Variants in CENPO observed in about 807,000 individuals in gnomAD.
The protein encoded by CENPO is centromeric protein O.
In CENPO, 30 loss-of-function variants were observed where a neutral mutation model predicts 36.1. That is an observed-to-expected ratio of 0.83 (90% confidence interval 0.62 to 1.13). The LOEUF is 1.13. CENPO is among the 50% of genes most tolerant of loss of function. The pLI, the probability that CENPO is intolerant of heterozygous loss-of-function variation, is 0.00. For missense variants in CENPO, 349 were observed against 357.8 expected, an observed-to-expected ratio of 0.98 and a Z score of 0.20; for synonymous variants, 171 against 142.3, an observed-to-expected ratio of 1.20 and a Z score of -1.44.
At chr2:24,817,480 G>A (rs1667001178) in intron 6 of CENPO, among the ~76,000 whole-genome samples, 190 bp from the exon 7 acceptor site, 1 of 30,764 alleles carries the variant, frequency 3.3e-5, no homozygotes, top group Non-Finnish European at 8.7e-5. Flanking sequence ...AAAAAAAGCT[G>A]TATGGGTCCA....
chr2:24,814,620 TCA>T (rs10618594), intron 4 of CENPO, 127 bp downstream of exon 4: 318,193 of 537,638 alleles, frequency 0.59, 72,367 homozygotes, highest in Admixed American at 0.63. Flanking sequence ...CCCTCATCAC[TCA>T]CACACACACA....
intron 2 of CENPO, among the ~76,000 whole-genome samples, chr2:24,797,391 C>T (rs1665954211): frequency 6.6e-6 from 1 of 152,124 alleles, no homozygotes; most frequent in Admixed American, 6.5e-5. Flanking sequence ...GGATATTCTG[C>T]TTTCTCAAGA....
At chr2:24,796,531 G>A (rs937266294) in intron 2 of CENPO, among the ~76,000 whole-genome samples, 5 of 152,100 alleles carry the variant, frequency 3.3e-5, no homozygotes, top group Non-Finnish European at 7.4e-5. Flanking sequence ...AAACTATAGT[G>A]GCCGGGTGCG....
chr2:24,812,902 G>GTTTTTTTTTTTT (rs35639594), intron 3 of CENPO, among the ~76,000 whole-genome samples: 1 of 105,670 alleles, frequency 9.5e-6, no homozygotes, highest in Non-Finnish European at 1.9e-5. Flanking sequence ...TATGCCTGTA[G>GTTTTTTTTTTTT]TTTTTTTTTT....
Position 24,821,781 on chromosome 2 carries a change from C to G in CENPO, c.*2463C>G, listed in dbSNP as rs1008557213. 23 of 1,258,870 alleles carry G rather than the reference C, an allele frequency of 1.8e-5. No homozygotes were observed. Among genetic ancestry groups the G allele is most frequent in the Non-Finnish European group, 2.2e-5 (20 of 918,948 alleles). 78.0% of individuals were successfully genotyped at this position (1,258,870 alleles called of 1,614,324 possible). On this transcript the variant is annotated 3_prime_UTR_variant, in exon 8 of 8. Coordinates refer to ENST00000380834, the MANE Select transcript of CENPO (RefSeq NM_001322101.2). ...CTTACTTTTCCTCCCACAAAGGAGT[C>G]GCAGCCACGCTAGCTCTGACTTGCC...
intron 5 of CENPO, 175 bp downstream of exon 5, chr2:24,815,931 A>G: frequency 1.6e-6 from 1 of 644,134 alleles, no homozygotes; most frequent in Non-Finnish European, 2.6e-6. Context: ...TTCTTTTGAA[A>G]CTCTGGATGG....
Position 24,817,750 on chromosome 2 carries a change from G to GTGTT in CENPO, c.850_853dup (p.Ala285ValfsTer32). 1 of 1,614,222 alleles carries GTGTT rather than the reference G, an allele frequency of 6.2e-7. No individual in the cohort carries two copies. Among genetic ancestry groups the GTGTT allele is most frequent in the Non-Finnish European group, 8.5e-7 (1 of 1,180,036 alleles). ...GTTCTGTACGAAGCCCTTGCATCAAGTGTTTGCCTCATTTACAAGAAAAGG... is the reference window on the plus strand; with the variant it reads ...GTTCTGTACGAAGCCCTTGCATCAAGTGTTTGTTTGCCTCATTTACAAGAAAAGG... On this transcript the variant is annotated frameshift_variant, in exon 7 of 8. Transcript: ENST00000380834. LOFTEE classifies it high-confidence loss of function.
Position 24,821,229 on chromosome 2 carries a change from A to C in CENPO, c.*1911A>C, listed in dbSNP as rs1667650708. ...AGCCATGTCCTCAGCAGGCACAGCAACCCCTCTGGAAATGGATCACAAACT... is the reference window on the plus strand; with the variant it reads ...AGCCATGTCCTCAGCAGGCACAGCACCCCCTCTGGAAATGGATCACAAACT... On this transcript the variant is annotated 3_prime_UTR_variant, in exon 8 of 8. Coordinates refer to ENST00000380834, the MANE Select transcript of CENPO (RefSeq NM_001322101.2). 2 of 454,318 alleles carry C rather than the reference A, an allele frequency of 4.4e-6. No homozygotes were observed. The highest frequency in any genetic ancestry group is 6.0e-5 in the South Asian group (2 of 33,416). 28.1% of individuals were successfully genotyped at this position (454,318 alleles called of 1,614,324 possible). A position where few individuals can be genotyped will look rare whatever the true frequency, so the allele number is the denominator to read the frequency against.
In CENPO at chr2:24,793,884, T is replaced by G. The variant is rs760386451; in HGVS notation, c.-36T>G. The G allele has an allele frequency of 5.0e-6, 8 of 1,614,020 alleles. No homozygotes were observed. Among genetic ancestry groups the G allele is most frequent in the Non-Finnish European group, 6.8e-6 (8 of 1,180,000 alleles). On this transcript the variant is annotated 5_prime_UTR_variant, in exon 2 of 8. The change abolishes the stop of an existing upstream ORF in the 5' untranslated region. Coordinates refer to ENST00000380834, the MANE Select transcript of CENPO (RefSeq NM_001322101.2). ...ATTGGAGTCCCTATCACCGGTTGCC[T>G]AGACAACTTCATGGGAAGGCCCTTG...
chr2:24,809,185 C>T (rs6720845), intron 3 of CENPO, among the ~76,000 whole-genome samples: 6,752 of 152,238 alleles, frequency 0.044, 206 homozygotes, highest in African/African-American at 0.078. Context: ...GATGATGTCT[C>T]ATTTTTTATT....
At position 24,821,947 on chromosome 2, in the gene CENPO, C is replaced by T; in HGVS notation, c.*2629C>T. The stretch of plus-strand genomic sequence containing the variant: ...TGGTCCTTAGGTTTTGTCAGGTTGT[C>T]CTTGTTTGGATCCCTCAACTAGGTG... On this transcript the variant is annotated 3_prime_UTR_variant, in exon 8 of 8. Coordinates refer to ENST00000380834, the MANE Select transcript of CENPO (RefSeq NM_001322101.2). 3.1e-6 allele frequency: 1 copy of T among 321,454 alleles called. No homozygotes were observed. The highest frequency in any genetic ancestry group is 5.8e-6 in the Non-Finnish European group (1 of 172,412). 19.9% of individuals were successfully genotyped at this position (321,454 alleles called of 1,614,324 possible).
chr2:24,798,081 T>C (rs1030145227), intron 2 of CENPO, among the ~76,000 whole-genome samples: 2 of 152,172 alleles, frequency 1.3e-5, no homozygotes, highest in Admixed American at 6.5e-5. Context: ...GTAAGTGTAA[T>C]GCAAATACTC....
chr2:24,798,942 TAAG>T (rs1244976374), intron 2 of CENPO, among the ~76,000 whole-genome samples: 1 of 150,954 alleles, frequency 6.6e-6, no homozygotes, highest in Non-Finnish European at 1.5e-5. Flanking sequence ...TGGGTGTACT[TAAG>T]AAGCTCGATT....
intron 4 of CENPO, among the ~76,000 whole-genome samples, chr2:24,815,124 G>C (rs1403107117): frequency 6.6e-6 from 1 of 151,810 alleles, no homozygotes; most frequent in East Asian, 1.9e-4. Flanking sequence ...TGTGGTCCCA[G>C]CTGTTTGGGA....
Position 24,821,384 on chromosome 2 carries a change from G to T in CENPO, c.*2066G>T. The T allele has an allele frequency of 9.2e-6, 12 of 1,305,356 alleles. No homozygotes were observed. The highest frequency in any genetic ancestry group is 2.4e-4 in the Middle Eastern group (1 of 4,182). The allele number at this position is 1,305,356 out of a possible 1,614,324, so 80.9% of individuals were successfully genotyped here. On this transcript the variant is annotated 3_prime_UTR_variant, in exon 8 of 8. Coordinates refer to ENST00000380834, the MANE Select transcript of CENPO (RefSeq NM_001322101.2). ...GACTAAAGGTCTTTCAGGTCTCCTT[G>T]CCCTGTGAGTGCGTGAACCTCCCCA...
rs761155913 is a variant in CENPO at position 24,799,794 on chromosome 2, AG to A, written c.168del (p.Arg56SerfsTer7). On this transcript the variant is annotated frameshift_variant, in exon 3 of 8. Transcript: ENST00000380834. LOFTEE classifies it high-confidence loss of function. ...GALGTKIHKL[R>X]RLRDELRAVV... Reference sequence around the variant, plus strand: ...TCTTGGAACCAAGATTCATAAACTAAGGCGTCTGCGAGATGAGCTGAGGGCT... The same window carrying A: ...TCTTGGAACCAAGATTCATAAACTAAGCGTCTGCGAGATGAGCTGAGGGCT... 1.9e-6 allele frequency: 3 copies of A among 1,613,910 alleles called. No individual in the cohort carries two copies. In the South Asian group the frequency reaches 3.3e-5, roughly 18 times the overall value.
chr2:24,813,628 C>CGTTGAGTTCCT (rs954056538), intron 3 of CENPO, among the ~76,000 whole-genome samples: 3 of 152,284 alleles, frequency 2.0e-5, no homozygotes, highest in African/African-American at 4.8e-5. Context: ...GCAAGCAGAA[C>CGTTGAGTTCCT]GTTGAGTTCC....
Position 24,820,507 on chromosome 2 carries a change from T to G in CENPO, c.*1189T>G, listed in dbSNP as rs1667455378. 3.5e-6 allele frequency: 5 copies of G among 1,410,898 alleles called. No individual in the cohort carries two copies. Among genetic ancestry groups the G allele is most frequent in the Non-Finnish European group, 3.7e-6 (4 of 1,083,930 alleles). The allele number at this position is 1,410,898 out of a possible 1,614,324, so 87.4% of individuals were successfully genotyped here. A position where few individuals can be genotyped will look rare whatever the true frequency, so the allele number is the denominator to read the frequency against. ...CATACCCAAAGGTAGGCCATATGCA[T>G]CTAGAACTTCAGCCCAGATTTTGTG... On this transcript the variant is annotated 3_prime_UTR_variant, in exon 8 of 8. Coordinates refer to ENST00000380834, the MANE Select transcript of CENPO (RefSeq NM_001322101.2).
rs571329299 is a variant in CENPO, at chr2:24,815,789, T to C, written c.594+33T>C. On this transcript the variant is annotated intron_variant, in intron 5 of 7. Transcript: ENST00000380834. ...TCTGGGATGTTATATGCCTCATCCG[T>C]GGGCCCAAGATCAACTTAAAAGGGG... 148 of 1,606,218 alleles carry C rather than the reference T, an allele frequency of 9.2e-5. 1 individual carries two copies. In the South Asian group the frequency reaches 1.4e-3, roughly 15 times the overall value.
Sources: gnomAD v4.1 joint callset for allele counts (sites outside exome capture counted in the v4.1 genomes callset) on GRCh38, gnomAD v4.1.1 for gene constraint, MANE v1.5 for transcripts, NCBI Gene and HGNC (gene_info 2026-07-23, HGNC 2026-07-21) for gene names.